Variants in SYNPO observed in about 807,000 individuals in gnomAD.
SYNPO encodes the protein synaptopodin.
A neutral mutation model predicts 49.5 loss-of-function variants in SYNPO; 19 were observed. That is an observed-to-expected ratio of 0.38 (90% CI 0.27 to 0.56). The LOEUF is 0.56. Among genes scored for constraint, SYNPO ranks in the 20% least tolerant of loss-of-function variants. The probability of loss-of-function intolerance (pLI) is 0.68; values close to 1 mark genes in which losing one functional copy is unlikely to be tolerated. For missense variants in SYNPO, 1,131 were observed against 1,248.3 expected, an observed-to-expected ratio of 0.91 and a Z score of 1.42; for synonymous variants, 536 against 548.0, an observed-to-expected ratio of 0.98 and a Z score of 0.31.
Position 150,649,434 on chromosome 5 carries a change from C to G in SYNPO, c.1159C>G (p.Pro387Ala). ...ATCCATGTTTACTTTCGTGGAGAAG[C>G]CCAAGGTGACCCCGAATCCAGACTT... ...RKSMFTFVEKPKVTPNPDLLD... is the reference protein window; with the variant it reads ...RKSMFTFVEKAKVTPNPDLLD... The change falls in exon 2 of 3, where the codon CCC becomes GCC. Residue 387 changes from proline (P) to alanine (A), a missense_variant. Transcript: ENST00000307662. 2 of 1,614,204 alleles carry G rather than the reference C, an allele frequency of 1.2e-6. No homozygotes were observed. Among genetic ancestry groups the G allele is most frequent in the Non-Finnish European group, 1.7e-6 (2 of 1,180,040 alleles).
At chr5:150,650,948 T>C in intron 2 of SYNPO, 1 of 1,256,110 alleles carries the variant, frequency 8.0e-7, no homozygotes, top group Non-Finnish European at 1.0e-6. Flanking sequence ...TCCAGGGTCC[T>C]TCTGCTGGCT....
At chr5:150,626,182 G>T (rs559754653) in intron 2 of SYNPO, among the ~76,000 whole-genome samples, 2 of 152,250 alleles carry the variant, frequency 1.3e-5, no homozygotes, top group South Asian at 4.2e-4. Context: ...TCCATGTTGG[G>T]GGGCACAGCC....
Position 150,657,065 on chromosome 5 carries a change from C to T in SYNPO, c.2690C>T (p.Ala897Val), listed in dbSNP as rs2151436309. The T allele has an allele frequency of 1.3e-6, 2 of 1,593,748 alleles. No homozygotes were observed. The highest frequency in any genetic ancestry group is 1.7e-6 in the Non-Finnish European group (2 of 1,170,548). ...CGGCTCAAGCGTGGCAGCCTCCCCG[C>T]CGAGGCCTCCTGCACCACCTAGAGC... ...SLRLKRGSLP[A>V]EASCTT The change falls in exon 3 of 3, where the codon GCC (alanine) becomes GTC (valine). Residue 897 changes from alanine (A) to valine (V), a missense_variant. This residue lies in a region of SYNPO where 509 missense variants were observed against 484.5 expected (regional missense o/e 1.05). Coordinates refer to ENST00000307662, the MANE Select transcript of SYNPO (RefSeq NM_007286.6).
chr5:150,601,409 C>A (rs116317521), intron 1 of SYNPO, among the ~76,000 whole-genome samples: 7 of 152,114 alleles, frequency 4.6e-5, no homozygotes, highest in Non-Finnish European at 7.4e-5. Context: ...GCAGAGACGC[C>A]GCCAAGCCTG....
chr5:150,637,812 G>A (rs556580307), upstream of SYNPO, among the ~76,000 whole-genome samples: 10 of 152,350 alleles, frequency 6.6e-5, no homozygotes, highest in Admixed American at 5.2e-4. Flanking sequence ...GCTGCACGGC[G>A]TCCTTTCCTA....
rs1453742986 is a variant in SYNPO at position 150,657,021 on chromosome 5, CG to C, written c.2649del (p.Trp884GlyfsTer55). On this transcript the variant is annotated frameshift_variant, in exon 3 of 3. Coordinates refer to ENST00000307662, the MANE Select transcript of SYNPO (RefSeq NM_007286.6). LOFTEE classifies it high-confidence loss of function. ...TCCTGGGCTACAATATCTGTCCCCG[CG>C]GGTGGAATGGCAGCCTTCGGCTCAA... ...GILGYNICPRGWNGSLRLKRG... is the reference protein window; with the variant it reads ...GILGYNICPRXWNGSLRLKRG... 1.2e-6 allele frequency: 2 copies of C among 1,602,408 alleles called. No individual in the cohort carries two copies. The highest frequency in any genetic ancestry group is 2.2e-5 in the East Asian group (1 of 44,534).
intron 2 of SYNPO, among the ~76,000 whole-genome samples, chr5:150,655,807 C>T (rs1455174594): frequency 3.3e-5 from 5 of 152,296 alleles, no homozygotes; most frequent in Non-Finnish European, 4.4e-5. Flanking sequence ...CACGCGCCAC[C>T]GTGCCACTAA....
the SYNPO span, among the ~76,000 whole-genome samples, chr5:150,591,111 G>A: frequency 5.3e-5 from 8 of 152,146 alleles, no homozygotes; most frequent in African/African-American, 1.9e-4. Flanking sequence ...TCTGGTAGGT[G>A]GGGGAGGGGT....
intron 1 of SYNPO, among the ~76,000 whole-genome samples, chr5:150,645,759 ATC>A (rs1487091730): frequency 6.6e-6 from 1 of 152,126 alleles, no homozygotes; most frequent in Non-Finnish European, 1.5e-5. Flanking sequence ...TTCCTTATAT[ATC>A]TCTGAACCTC....
intron 1 of SYNPO, among the ~76,000 whole-genome samples, chr5:150,611,261 G>A (rs1265556035): frequency 6.6e-6 from 1 of 152,140 alleles, no homozygotes; most frequent in Non-Finnish European, 1.5e-5. Flanking sequence ...TTTCTCTTTT[G>A]TTCACTGTGT....
chr5:150,632,755 C>A (rs920560188), intron 2 of SYNPO, among the ~76,000 whole-genome samples: 1 of 152,118 alleles, frequency 6.6e-6, no homozygotes, highest in Non-Finnish European at 1.5e-5. Context: ...CCTTGGAATC[C>A]CTGAAAGAGT....
intron 1 of SYNPO, among the ~76,000 whole-genome samples, chr5:150,612,299 C>A (rs879933821): frequency 1.3e-4 from 20 of 152,178 alleles, no homozygotes; most frequent in African/African-American, 4.3e-4. Flanking sequence ...CCGTTTTGCT[C>A]CTAGGTTACA....
At chr5:150,598,344 G>C (rs1356109605), upstream of SYNPO, among the ~76,000 whole-genome samples, 1 of 152,238 alleles carries the variant, frequency 6.6e-6, no homozygotes, top group African/African-American at 2.4e-5. Context: ...GACAGAAAAT[G>C]CTGCCCCTAG....
rs1424905456 is a variant in SYNPO at position 150,601,514 on chromosome 5, T to C, written c.-266+326T>C. On this transcript the variant is annotated intron_variant, in intron 1 of 2. Coordinates refer to the SYNPO transcript ENST00000394243. ...GCAGGAGGGCTCGGGGTCATTTGCA[T>C]CCGTACAAGTGAGAGTGTGTCAGAG... Among the ~76,000 whole-genome samples the C allele has an allele frequency of 2.6e-5, 4 of 152,180 alleles. No homozygotes were observed. In the South Asian group the frequency reaches 6.2e-4, roughly 24 times the overall value.
upstream of SYNPO, among the ~76,000 whole-genome samples, chr5:150,598,711 G>T (rs1207132554): frequency 6.6e-6 from 1 of 151,970 alleles, no homozygotes; most frequent in Non-Finnish European, 1.5e-5. Flanking sequence ...TTTCTAAAGA[G>T]GCCTCTGAAC....
the SYNPO span, among the ~76,000 whole-genome samples, chr5:150,591,205 C>T: frequency 6.6e-6 from 1 of 152,194 alleles, no homozygotes; most frequent in South Asian, 2.1e-4. Context: ...GCTGAAAAGG[C>T]TGGGATTTGA....
intron 2 of SYNPO, among the ~76,000 whole-genome samples, chr5:150,627,554 A>G (rs912104156): frequency 6.6e-6 from 1 of 152,242 alleles, no homozygotes; most frequent in Non-Finnish European, 1.5e-5. Flanking sequence ...GATAGAAAAG[A>G]AAAAAGGAAG....
At chr5:150,604,863 G>T (rs1756648151) in intron 1 of SYNPO, among the ~76,000 whole-genome samples, 1 of 152,184 alleles carries the variant, frequency 6.6e-6, no homozygotes, top group Non-Finnish European at 1.5e-5. Flanking sequence ...AGGGGAGAAT[G>T]CGGAAGCAAA....
rs186478487 is a variant in SYNPO, at chr5:150,612,421, C to G, written c.-265-5682C>G. On this transcript the variant is annotated intron_variant, in intron 1 of 2. Transcript: ENST00000394243. ...ACATCAGAGAGAAGCTCCTTCCTCC[C>G]TCCCATCCTTCCATTTCCCATTCCT... is the stretch of plus-strand genomic sequence containing the variant. Among the ~76,000 whole-genome samples, 438 of 152,370 alleles carry G rather than the reference C, an allele frequency of 2.9e-3. 1 individual carries two copies. Among genetic ancestry groups the G allele is most frequent in the Non-Finnish European group, 4.8e-3 (328 of 68,038 alleles).
Sources: gnomAD v4.1 joint callset for allele counts (sites outside exome capture counted in the v4.1 genomes callset) on GRCh38, gnomAD v4.1.1 for gene constraint, gnomAD v4.1.1 regional missense constraint, MANE v1.5 for transcripts, NCBI Gene and HGNC (gene_info 2026-07-23, HGNC 2026-07-21) for gene names.